The following PDCD6IP variants were observed in gnomAD, a reference collection of about 807,000 sequenced individuals.
PDCD6IP encodes the protein programmed cell death 6 interacting protein.
In PDCD6IP, 43 loss-of-function variants were observed where a neutral mutation model predicts 103.7. That is an observed-to-expected ratio of 0.41 (90% CI 0.32 to 0.53). The LOEUF is 0.53. Ranked by LOEUF, PDCD6IP falls within the 20% of genes least tolerant of loss-of-function variation. PDCD6IP has a pLI of 0.16. For synonymous variants in PDCD6IP, 354 were observed against 378.7 expected (o/e 0.93, Z 0.76); for missense variants, 871 against 1,036.7 (o/e 0.84, Z 2.20).
chr3:33,841,921 A>G lies in PDCD6IP; in HGVS notation c.1206A>G (p.Pro402=). The change falls in exon 10 of 18, where the codon CCA becomes CCG. Residue 402 remains proline, a synonymous_variant. Transcript: ENST00000307296. Reference sequence around the variant, plus strand: ...GGGTGCTAGCTTCCCTTAATCTTCCAGCAGCAATTGAAGATGTGTCTGGAG... The same window carrying G: ...GGGTGCTAGCTTCCCTTAATCTTCCGGCAGCAATTGAAGATGTGTCTGGAG... The part of the protein sequence containing the change: ...ANGVLASLNL[P]AAIEDVSGDT... The G allele has an allele frequency of 6.3e-7, 1 of 1,577,492 alleles. No homozygotes were observed. The highest frequency in any genetic ancestry group is 8.6e-7 in the Non-Finnish European group (1 of 1,156,742).
chr3:33,842,152 T>C, intron 10 of PDCD6IP, 78 bp downstream of exon 10: 1 of 913,272 alleles, frequency 1.1e-6, no homozygotes, highest in Non-Finnish European at 1.7e-6. Context: ...GACTGGAGAC[T>C]TCCTCATGCT....
intron 3 of PDCD6IP, among the ~76,000 whole-genome samples, chr3:33,820,484 C>A (rs550068902): frequency 1.3e-5 from 2 of 152,154 alleles, no homozygotes; most frequent in East Asian, 3.9e-4. Flanking sequence ...GGGTGTATTT[C>A]ATATTGTTGT....
chr3:33,810,061 A>G (rs1696681882), intron 1 of PDCD6IP, among the ~76,000 whole-genome samples: 1 of 152,156 alleles, frequency 6.6e-6, no homozygotes, highest in Admixed American at 6.5e-5. Flanking sequence ...ATTAGTAAAT[A>G]TTTTGTGGGG....
chr3:33,827,081 G>T (rs1347967592), intron 6 of PDCD6IP: 1 of 985,140 alleles, frequency 1.0e-6, no homozygotes, highest in Non-Finnish European at 1.2e-6. Context: ...TAAAAAATTG[G>T]GCTGCTAATG....
rs566083826 is a variant in PDCD6IP at position 33,866,877 on chromosome 3, G to A, written c.*352G>A. 1 of 178,852 alleles carries A rather than the reference G, an allele frequency of 5.6e-6. No homozygotes were observed. Among genetic ancestry groups the A allele is most frequent in the African/African-American group, 2.3e-5 (1 of 42,790 alleles). 11.1% of individuals were successfully genotyped at this position (178,852 alleles called of 1,614,324 possible). A position where few individuals can be genotyped will look rare whatever the true frequency, so the allele number is the denominator to read the frequency against. On this transcript the variant is annotated 3_prime_UTR_variant, in exon 18 of 18. Transcript: ENST00000307296. ...TCAGATACTTACAAAGATGGTTTAA[G>A]TATGGATACTAGAGAAAATTAAGTT...
At chr3:33,845,385 CTTCT>C in intron 11 of PDCD6IP, 30 bp from the exon 12 acceptor site, 1 of 1,572,468 alleles carries the variant, frequency 6.4e-7, no homozygotes, top group Non-Finnish European at 8.7e-7. Flanking sequence ...GTTAGAATCA[CTTCT>C]GTGCTCTGCA....
intron 12 of PDCD6IP, 115 bp from the exon 13 acceptor site, chr3:33,852,373 C>G (rs575493530): frequency 2.7e-5 from 38 of 1,419,552 alleles, no homozygotes; most frequent in Non-Finnish European, 3.3e-5. Flanking sequence ...ATTTGGCTCT[C>G]TGAGAAATCA....
rs1697800510 is a variant in PDCD6IP at position 33,855,219 on chromosome 3, T to C, written c.2079T>C (p.Asp693=). Residue 693 remains aspartate (D), a synonymous_variant, in exon 15 of 18, where the codon GAT becomes GAC. Coordinates refer to ENST00000307296, the MANE Select transcript of PDCD6IP (RefSeq NM_013374.6). ...ILVRFQNKCS[D]IVFARKTERD... is the part of the protein sequence containing the mutation. ...TCAGGTTCCAGAACAAATGCAGTGA[T>C]ATAGTTTTTGCACGGAAGACAGAAA... is the stretch of plus-strand genomic sequence containing the variant. The C allele has an allele frequency of 6.2e-7, 1 of 1,611,628 alleles. No homozygotes were observed. Among genetic ancestry groups the C allele is most frequent in the Non-Finnish European group, 8.5e-7 (1 of 1,177,888 alleles).
intron 1 of PDCD6IP, among the ~76,000 whole-genome samples, chr3:33,809,755 C>T (rs1435164278): frequency 6.6e-6 from 1 of 152,152 alleles, no homozygotes. Context: ...TCTTTAATCT[C>T]CTTCAATCTG....
intron 4 of PDCD6IP, among the ~76,000 whole-genome samples, chr3:33,824,554 C>T (rs1047942864): frequency 3.9e-5 from 6 of 151,926 alleles, no homozygotes; most frequent in South Asian, 2.1e-4. Context: ...CCACCGCACC[C>T]GGCCAACTCA....
At chr3:33,818,098 T>G in intron 3 of PDCD6IP, among the ~76,000 whole-genome samples, 1 of 50,148 alleles carries the variant, frequency 2.0e-5, no homozygotes, top group East Asian at 6.0e-4. Context: ...TTCATTCTTG[T>G]TTTTTTTTTT....
chr3:33,825,394 A>T, intron 5 of PDCD6IP, 54 bp downstream of exon 5: 1 of 1,438,248 alleles, frequency 7.0e-7, no homozygotes, highest in Non-Finnish European at 9.5e-7. Context: ...AAGGCTTTTA[A>T]ATTAAGAAAG....
intron 1 of PDCD6IP, among the ~76,000 whole-genome samples, chr3:33,811,755 A>T (rs567123036): frequency 6.6e-6 from 1 of 152,360 alleles, no homozygotes; most frequent in East Asian, 1.9e-4. Context: ...TGTCTAATGG[A>T]TACAAACTTA....
rs1373508589 is a variant in PDCD6IP, at chr3:33,826,524, G to A, written c.661G>A (p.Ala221Thr). Residue 221 changes from alanine to threonine, a missense_variant, in exon 6 of 18, where the codon GCA (alanine) becomes ACA (threonine). Around this residue, in one of 5 missense-constraint regions of PDCD6IP, gnomAD observed 242 missense variants for 250.7 expected, o/e 0.97. Transcript: ENST00000307296. ...CATAGCTAAATTGGCTAATCAGGCT[G>A]CAGATTATTTTGGTGATGCTTTCAA... The part of the protein sequence containing the change: ...AIIAKLANQA[A>T]DYFGDAFKQC... 1.9e-6 allele frequency: 3 copies of A among 1,612,250 alleles called. No homozygotes were observed. The highest frequency in any genetic ancestry group is 4.5e-5 in the East Asian group (2 of 44,818).
chr3:33,802,058 C>T (rs1194710841), intron 1 of PDCD6IP, among the ~76,000 whole-genome samples: 3 of 152,130 alleles, frequency 2.0e-5, no homozygotes, highest in Admixed American at 6.5e-5. Context: ...AAAAAGTTGG[C>T]AGGTAGGTAG....
At chr3:33,826,225 A>G (rs755270840) in intron 5 of PDCD6IP, among the ~76,000 whole-genome samples, 2 of 152,118 alleles carry the variant, frequency 1.3e-5, no homozygotes, top group African/African-American at 2.4e-5. Context: ...GATTACCACT[A>G]TCTTATTTTA....
rs150039307 is a variant in PDCD6IP at position 33,825,252 on chromosome 3, C to T, written c.528C>T (p.Thr176=). 19 of 1,613,430 alleles carry T rather than the reference C, an allele frequency of 1.2e-5. No individual in the cohort carries two copies. The highest frequency in any genetic ancestry group is 2.2e-5 in the East Asian group (1 of 44,842). ...TVLSALSREP[T]VDISPDTVGT... The stretch of plus-strand genomic sequence containing the variant: ...TATCTGCCTTAAGTCGAGAGCCGAC[C>T]GTGGACATATCTCCAGATACTGTTG... The change falls in exon 5 of 18, where the codon ACC becomes ACT. Residue 176 remains threonine (T), a synonymous_variant. Transcript: ENST00000307296.
chr3:33,815,528 G>T (rs1017338945), intron 3 of PDCD6IP, among the ~76,000 whole-genome samples: 6 of 152,174 alleles, frequency 3.9e-5, no homozygotes, highest in African/African-American at 1.4e-4. Flanking sequence ...AATCTAGAAG[G>T]CCTAACTCCC....
At chr3:33,802,383 A>G (rs1321600142) in intron 1 of PDCD6IP, among the ~76,000 whole-genome samples, 6 of 152,188 alleles carry the variant, frequency 3.9e-5, no homozygotes, top group African/African-American at 1.2e-4. Flanking sequence ...TTAATAAGGA[A>G]TAGGATAGAC....
Sources: gnomAD v4.1 joint callset for allele counts (sites outside exome capture counted in the v4.1 genomes callset) on GRCh38, gnomAD v4.1.1 for gene constraint, gnomAD v4.1.1 regional missense constraint, MANE v1.5 for transcripts, NCBI Gene and HGNC (gene_info 2026-07-23, HGNC 2026-07-21) for gene names.